The following SGMS1 variants were observed in gnomAD, a reference collection of about 807,000 sequenced individuals.
The protein encoded by SGMS1 is phosphatidylcholine:ceramide cholinephosphotransferase 1.
A neutral mutation model predicts 46.2 loss-of-function variants in SGMS1; 13 were observed. The observed-to-expected ratio is 0.28, with a 90% CI of 0.18 to 0.45. SGMS1 has a LOEUF of 0.45. Ranked by LOEUF, SGMS1 falls within the 20% of genes least tolerant of loss-of-function variation. The pLI is 1.00. For missense variants in SGMS1, 324 were observed against 519.9 expected (o/e 0.62, Z 3.66); for synonymous variants, 203 against 187.8 (o/e 1.08, Z -0.66).
At chr10:50,554,860 T>A (rs1340207213) in intron 2 of SGMS1, among the ~76,000 whole-genome samples, 1 of 152,264 alleles carries the variant, frequency 6.6e-6, no homozygotes, top group African/African-American at 2.4e-5. Flanking sequence ...CTCAACAATA[T>A]GTCGTGGACA....
At chr10:50,340,360 A>G (rs1194171103) in intron 7 of SGMS1, 1 of 152,224 alleles carries the variant, frequency 6.6e-6, no homozygotes. Flanking sequence ...TATGTTCTTT[A>G]TCATGCTTTC....
intron 2 of SGMS1, among the ~76,000 whole-genome samples, chr10:50,526,017 C>T (rs1253744537): frequency 2.0e-5 from 3 of 152,156 alleles, no homozygotes; most frequent in Non-Finnish European, 4.4e-5. Context: ...TTGAGTGCTT[C>T]GCTACAGGCC....
intron 1 of SGMS1, among the ~76,000 whole-genome samples, chr10:50,592,503 C>T (rs1264996498): frequency 6.6e-6 from 1 of 152,048 alleles, no homozygotes; most frequent in East Asian, 1.9e-4. Context: ...ATCACAATGG[C>T]CCTTCATGTG....
chr10:50,490,806 A>G (rs913774479), intron 3 of SGMS1, among the ~76,000 whole-genome samples: 8 of 152,200 alleles, frequency 5.3e-5, no homozygotes, highest in African/African-American at 1.9e-4. Context: ...GTTAGCTATT[A>G]TTAATATCAG....
rs201674809 is a variant in SGMS1, at chr10:50,344,147, T to C, written c.-33A>G. On this transcript the variant is annotated 5_prime_UTR_variant, in exon 7 of 11. Coordinates refer to ENST00000361781, the MANE Select transcript of SGMS1 (RefSeq NM_147156.4). ...GCAGACAGCAGGCAGTCCCCAGCTCTCTCTTGGCAGGTCAGCAGTCACTGT... is the reference window on the plus strand; with the variant it reads ...GCAGACAGCAGGCAGTCCCCAGCTCCCTCTTGGCAGGTCAGCAGTCACTGT... The C allele has an allele frequency of 1.0e-3, 1,629 of 1,560,362 alleles. 31 individuals carry two copies. In the South Asian group the frequency reaches 0.019, roughly 18 times the overall value.
chr10:50,346,220 T>G (rs565188532), intron 6 of SGMS1, among the ~76,000 whole-genome samples: 5 of 152,218 alleles, frequency 3.3e-5, no homozygotes, highest in Admixed American at 1.3e-4. Context: ...AGAAATCATA[T>G]GTGAAAGTTC....
rs547459731 is a variant in SGMS1 at position 50,604,294 on chromosome 10, C to G, written c.-683-14047G>C. Among the ~76,000 whole-genome samples, 13 of 152,314 alleles carry G rather than the reference C, an allele frequency of 8.5e-5. No individual in the cohort carries two copies. The South Asian group carries it at 2.5e-3, about 29-fold the overall frequency. On this transcript the variant is annotated intron_variant, in intron 1 of 10. Coordinates refer to ENST00000361781, the MANE Select transcript of SGMS1 (RefSeq NM_147156.4). ...GAGCCTGCACGTAACAGGCTGCTCACCACCAGGGCTGAACCGTCGGTGAAA... is the reference window on the plus strand; with the variant it reads ...GAGCCTGCACGTAACAGGCTGCTCAGCACCAGGGCTGAACCGTCGGTGAAA...
At chr10:50,586,515 A>G (rs1013336916) in intron 2 of SGMS1, among the ~76,000 whole-genome samples, 1 of 152,210 alleles carries the variant, frequency 6.6e-6, no homozygotes, top group African/African-American at 2.4e-5. Context: ...ACTTAATATC[A>G]ACACCTAATG....
At chr10:50,619,084 G>A (rs1337907065) in intron 1 of SGMS1, among the ~76,000 whole-genome samples, 2 of 151,682 alleles carry the variant, frequency 1.3e-5, no homozygotes, top group Non-Finnish European at 2.9e-5. Context: ...AGTGAGCCAA[G>A]ATCATGCCAC....
At chr10:50,403,819 C>T (rs144610408) in intron 6 of SGMS1, among the ~76,000 whole-genome samples, 59 of 150,838 alleles carry the variant, frequency 3.9e-4, no homozygotes, top group African/African-American at 1.3e-3. Flanking sequence ...ATGGTAGTGT[C>T]AGGTGGGATA....
In SGMS1 at chr10:50,489,952, T is replaced by G. The variant is rs577393795; in HGVS notation, c.-497-23020A>C. ...TGGTGCCACTGCACTCCAGCCTGGG[T>G]GAGAGAATGAGACTCCATCTCAAAA... On this transcript the variant is annotated intron_variant, in intron 3 of 10. Coordinates refer to ENST00000361781, the MANE Select transcript of SGMS1 (RefSeq NM_147156.4). Among the ~76,000 whole-genome samples, 233 of 152,104 alleles carry G rather than the reference T, an allele frequency of 1.5e-3. 3 individuals carry two copies. Among genetic ancestry groups the G allele is most frequent in the African/African-American group, 5.6e-3 (232 of 41,496 alleles).
At chr10:50,430,777 T>C (rs1025358298) in intron 6 of SGMS1, among the ~76,000 whole-genome samples, 3 of 152,168 alleles carry the variant, frequency 2.0e-5, no homozygotes, top group African/African-American at 7.2e-5. Context: ...CAGTTTGAAA[T>C]TATAGTTTTC....
chr10:50,602,356 C>T (rs920150506), intron 1 of SGMS1, among the ~76,000 whole-genome samples: 1 of 152,200 alleles, frequency 6.6e-6, no homozygotes, highest in African/African-American at 2.4e-5. Context: ...ACCTGTCCTA[C>T]CTTATGTCAT....
intron 7 of SGMS1, among the ~76,000 whole-genome samples, chr10:50,336,546 T>C (rs909922226): frequency 1.3e-5 from 2 of 152,166 alleles, no homozygotes; most frequent in African/African-American, 4.8e-5. Flanking sequence ...CTGAAACACA[T>C]GCACGTCTCC....
At chr10:50,474,432 T>C (rs1463507698) in intron 3 of SGMS1, among the ~76,000 whole-genome samples, 1 of 152,170 alleles carries the variant, frequency 6.6e-6, no homozygotes, top group African/African-American at 2.4e-5. Flanking sequence ...TTCTCTTGCA[T>C]GGTTTATAAT....
intron 2 of SGMS1, among the ~76,000 whole-genome samples, chr10:50,534,071 T>C (rs1837978606): frequency 6.6e-6 from 1 of 152,130 alleles, no homozygotes; most frequent in Non-Finnish European, 1.5e-5. Flanking sequence ...CCAAAATATA[T>C]AGAATGTAAG....
intron 6 of SGMS1, among the ~76,000 whole-genome samples, chr10:50,348,244 A>C (rs1847947052): frequency 6.6e-6 from 1 of 152,226 alleles, no homozygotes; most frequent in Non-Finnish European, 1.5e-5. Flanking sequence ...TCCCTTTGAA[A>C]ACTGGCATAA....
At chr10:50,579,187 T>C (rs1378914832) in intron 2 of SGMS1, among the ~76,000 whole-genome samples, 3 of 151,360 alleles carry the variant, frequency 2.0e-5, no homozygotes, top group Non-Finnish European at 1.5e-5. Context: ...ATAACAAACA[T>C]GAAAAATTGA....
chr10:50,466,592 A>G (rs1343264426), intron 4 of SGMS1, among the ~76,000 whole-genome samples: 1 of 152,208 alleles, frequency 6.6e-6, no homozygotes, highest in African/African-American at 2.4e-5. Flanking sequence ...TGTGACTCAA[A>G]TAATGAAGAC....
Sources: gnomAD v4.1 joint callset for allele counts (sites outside exome capture counted in the v4.1 genomes callset) on GRCh38, gnomAD v4.1.1 for gene constraint, MANE v1.5 for transcripts, NCBI Gene and HGNC (gene_info 2026-07-23, HGNC 2026-07-21) for gene names.